Variants in MMP26 observed in about 807,000 individuals in gnomAD.
MMP26 encodes the protein matrix metallopeptidase 26, also known as matrix metalloproteinase-26.
Under a neutral mutation model 31.0 loss-of-function variants are expected in MMP26, and 33 were observed. That is an observed-to-expected ratio of 1.06 (90% confidence interval 0.81 to 1.42). The LOEUF (loss-of-function observed/expected upper bound fraction) is 1.42. Among genes scored for constraint, MMP26 ranks in the 40% most tolerant of loss-of-function variants. MMP26 has a pLI of 0.00. For missense variants in MMP26, 347 were observed against 316.1 expected (o/e 1.10, Z -0.74); for synonymous variants, 122 against 114.9 (o/e 1.06, Z -0.40).
chr11:4,742,576 A>G (rs1294053664), intron 1 of MMP26, among the ~76,000 whole-genome samples: 2 of 152,156 alleles, frequency 1.3e-5, no homozygotes, highest in Non-Finnish European at 2.9e-5. Flanking sequence ...TGGTGGACTG[A>G]GTAAAGCAGA....
chr11:4,823,191 C>T (rs1849534801), intron 2 of MMP26, among the ~76,000 whole-genome samples: 2 of 152,128 alleles, frequency 1.3e-5, no homozygotes, highest in Non-Finnish European at 2.9e-5. Context: ...TGAGTCCCTC[C>T]TCTGAAGTGA....
chr11:4,844,357 A>T (rs1325457852), intron 2 of MMP26, among the ~76,000 whole-genome samples: 3 of 152,170 alleles, frequency 2.0e-5, no homozygotes, highest in Non-Finnish European at 4.4e-5. Flanking sequence ...ATTAATACCA[A>T]TCCTACTCAA....
intron 2 of MMP26, among the ~76,000 whole-genome samples, chr11:4,816,337 T>G (rs1849418790): frequency 6.6e-6 from 1 of 152,220 alleles, no homozygotes; most frequent in African/African-American, 2.4e-5. Flanking sequence ...GAATATGTAT[T>G]CTGTAGCTGC....
chr11:4,848,449 CAG>C (rs1849910074), intron 2 of MMP26: 1 of 1,613,710 alleles, frequency 6.2e-7, no homozygotes, highest in African/African-American at 1.3e-5. Context: ...AGGAGCACTG[CAG>C]AGAGGTGGGC....
intron 2 of MMP26, among the ~76,000 whole-genome samples, chr11:4,968,336 C>A (rs560386432): frequency 7.3e-4 from 110 of 151,710 alleles, no homozygotes; most frequent in Admixed American, 2.8e-3. Flanking sequence ...CAAAATAAAC[C>A]AAATTATTTT....
chr11:4,797,997 G>A (rs1849129856), intron 2 of MMP26, among the ~76,000 whole-genome samples: 1 of 152,176 alleles, frequency 6.6e-6, no homozygotes, highest in South Asian at 2.1e-4. Flanking sequence ...AGTGGAATTG[G>A]ATGATTACAT....
intron 2 of MMP26, among the ~76,000 whole-genome samples, chr11:4,978,704 A>G (rs750756630): frequency 2.0e-5 from 3 of 152,198 alleles, no homozygotes; most frequent in African/African-American, 7.2e-5. Flanking sequence ...CTCACGTATC[A>G]TCACTTAACT....
At chr11:4,804,140 G>C (rs1016280747) in intron 2 of MMP26, 1 of 1,614,180 alleles carries the variant, frequency 6.2e-7, no homozygotes, top group Non-Finnish European at 8.5e-7. Flanking sequence ...ATCTTAGGTT[G>C]AGTGGAGGAG....
intron 2 of MMP26, among the ~76,000 whole-genome samples, chr11:4,809,226 G>A (rs981491203): frequency 6.6e-5 from 10 of 152,174 alleles, no homozygotes; most frequent in African/African-American, 1.7e-4. Flanking sequence ...CATACTGAAA[G>A]TTGACATGAA....
chr11:4,834,295 C>T (rs1012637044), intron 2 of MMP26, among the ~76,000 whole-genome samples: 3 of 152,110 alleles, frequency 2.0e-5, no homozygotes, highest in Non-Finnish European at 4.4e-5. Context: ...AGAATCTGCA[C>T]CACTGTGGCC....
intron 2 of MMP26, among the ~76,000 whole-genome samples, chr11:4,777,175 A>C (rs1286855402): frequency 2.6e-5 from 4 of 152,194 alleles, no homozygotes; most frequent in African/African-American, 9.6e-5. Context: ...AAGATTAGGC[A>C]TAGTAACCTC....
chr11:4,983,567 C>A (rs984905780), intron 2 of MMP26, among the ~76,000 whole-genome samples: 1 of 152,174 alleles, frequency 6.6e-6, no homozygotes, highest in Non-Finnish European at 1.5e-5. Context: ...AGGTCCTAGG[C>A]ACAGGCCAGA....
At chr11:4,886,042 G>C (rs1850542036) in intron 2 of MMP26, among the ~76,000 whole-genome samples, 1 of 152,164 alleles carries the variant, frequency 6.6e-6, no homozygotes, top group African/African-American at 2.4e-5. Flanking sequence ...TTGATGCTGT[G>C]TTGCATTGGT....
At chr11:4,941,145 C>T (rs918369402) in intron 2 of MMP26, among the ~76,000 whole-genome samples, 4 of 152,130 alleles carry the variant, frequency 2.6e-5, no homozygotes, top group Non-Finnish European at 4.4e-5. Flanking sequence ...CCTCTTTAGT[C>T]CCTTAGTCAA....
chr11:4,759,111 C>CA (rs989730402), intron 1 of MMP26, among the ~76,000 whole-genome samples: 5,896 of 42,312 alleles, frequency 0.14, 448 homozygotes, highest in Non-Finnish European at 0.18. Context: ...CATTCCATCT[C>CA]AAAAAAAAAA....
At chr11:4,707,334 G>A (rs1564891021) in intron 1 of MMP26, among the ~76,000 whole-genome samples, 1 of 152,184 alleles carries the variant, frequency 6.6e-6, no homozygotes, top group Non-Finnish European at 1.5e-5. Flanking sequence ...TTTGTTTGGA[G>A]AAATCTCTAT....
At chr11:4,857,127 T>A (rs553672691) in intron 2 of MMP26, among the ~76,000 whole-genome samples, 2 of 151,800 alleles carry the variant, frequency 1.3e-5, no homozygotes, top group Admixed American at 6.6e-5. Context: ...GCAGGAAAGA[T>A]CTAAAATCGA....
chr11:4,860,757 G>T, intron 2 of MMP26: 1 of 258,200 alleles, frequency 3.9e-6, no homozygotes, highest in Non-Finnish European at 7.6e-6. Context: ...ACAGTCACAT[G>T]TGATTACCTC....
At chr11:4,770,912 C>T (rs116219307) in intron 2 of MMP26, among the ~76,000 whole-genome samples, 2,300 of 151,794 alleles carry the variant, frequency 0.015, 69 homozygotes, top group African/African-American at 0.052. Flanking sequence ...GAATTGCTTG[C>T]GCTGTGAAGC....
Sources: allele counts gnomAD v4.1 joint callset (sites outside exome capture counted in the v4.1 genomes callset), GRCh38; gene constraint gnomAD v4.1.1; transcripts MANE v1.5; gene names NCBI Gene and HGNC (gene_info 2026-07-23, HGNC 2026-07-21).